CPEB2: variants seen among roughly 807,000 people sequenced by gnomAD.
CPEB2 encodes cytoplasmic polyadenylation element binding protein 2, also known as cytoplasmic polyadenylation element-binding protein 2.
Under a neutral mutation model 93.6 loss-of-function variants are expected in CPEB2, and 56 were observed. That is an observed-to-expected ratio of 0.60 (90% CI 0.48 to 0.75). The LOEUF is 0.75. CPEB2 is among the 30% of genes least tolerant of loss of function. The pLI, the probability that CPEB2 is intolerant of heterozygous loss-of-function variation, is 0.00. For missense variants in CPEB2, 1,579 were observed against 1,395.1 expected (o/e 1.13, Z -2.10); for synonymous variants, 764 against 586.3 (o/e 1.30, Z -4.38).
intron 4 of CPEB2, among the ~76,000 whole-genome samples, chr4:15,018,485 C>CT (rs1253925654): frequency 6.0e-4 from 83 of 139,342 alleles, no homozygotes; most frequent in East Asian, 1.4e-3. Flanking sequence ...GTTTGAGTTT[C>CT]TTTTTTTTTT....
At chr4:15,021,785 C>G (rs1331276847) in intron 4 of CPEB2, among the ~76,000 whole-genome samples, 2 of 151,994 alleles carry the variant, frequency 1.3e-5, no homozygotes. Context: ...AACTTATTTA[C>G]TAAGTTTTTG....
At chr4:15,015,749 C>T (rs887632577) in intron 3 of CPEB2, among the ~76,000 whole-genome samples, 1 of 151,914 alleles carries the variant, frequency 6.6e-6, no homozygotes. Context: ...GTGATACGTT[C>T]CAAGACAATC....
At chr4:15,029,176 A>G (rs1725817759) in intron 4 of CPEB2, among the ~76,000 whole-genome samples, 1 of 152,076 alleles carries the variant, frequency 6.6e-6, no homozygotes, top group African/African-American at 2.4e-5. Flanking sequence ...TCAATGTCGT[A>G]TCATACTTGG....
At chr4:15,050,433 C>CA (rs972403363) in intron 6 of CPEB2, among the ~76,000 whole-genome samples, 2 of 151,906 alleles carry the variant, frequency 1.3e-5, no homozygotes, top group African/African-American at 2.4e-5. Context: ...GTCTCCTATC[C>CA]AAAAAAATCC....
intron 6 of CPEB2, among the ~76,000 whole-genome samples, chr4:15,041,065 T>C (rs1335837789): frequency 6.6e-6 from 1 of 152,064 alleles, no homozygotes; most frequent in Admixed American, 6.6e-5. Context: ...CCTTTTTCCT[T>C]TCCCTCCCCC....
rs762538197 is a variant in CPEB2 at position 15,004,143 on chromosome 4, C to T, written c.1470C>T (p.Gly490=). 1 of 660,702 alleles carries T rather than the reference C, an allele frequency of 1.5e-6. No homozygotes were observed. Among genetic ancestry groups the T allele is most frequent in the Non-Finnish European group, 2.3e-6 (1 of 426,684 alleles). The allele number at this position is 660,702 out of a possible 1,614,324, so 40.9% of individuals were successfully genotyped here. A position where few individuals can be genotyped will look rare whatever the true frequency, so the allele number is the denominator to read the frequency against. ...GCGGCGGCGGCGGCGGCTTCGGCGGCCCCTTCTCGGCTACCGCTGTGCCCC... is the reference window on the plus strand; with the variant it reads ...GCGGCGGCGGCGGCGGCTTCGGCGGTCCCTTCTCGGCTACCGCTGTGCCCC... ...TSGGGGGGFG[G]PFSATAVPPP... Residue 490 remains glycine (G), a synonymous_variant, in exon 1 of 12, where the codon GGC becomes GGT. Transcript: ENST00000538197.
chr4:15,008,677 A>G (rs536718134), intron 3 of CPEB2, among the ~76,000 whole-genome samples: 1 of 152,346 alleles, frequency 6.6e-6, no homozygotes, highest in South Asian at 2.1e-4. Context: ...AAGGAATTAT[A>G]TACACAAGAG....
At chr4:15,065,253 A>C (rs991360096) in intron 11 of CPEB2, among the ~76,000 whole-genome samples, 22 of 152,162 alleles carry the variant, frequency 1.4e-4, no homozygotes, top group African/African-American at 5.3e-4. Context: ...TTGGGTCATT[A>C]CTTTTTACTA....
At chr4:15,004,559 G>A (rs1722520909) in intron 1 of CPEB2, among the ~76,000 whole-genome samples, 1 of 152,136 alleles carries the variant, frequency 6.6e-6, no homozygotes. Flanking sequence ...GGGCTGTGGG[G>A]GCGTGGGAGA....
intron 3 of CPEB2, among the ~76,000 whole-genome samples, chr4:15,010,127 G>C (rs1441629548): frequency 6.6e-6 from 1 of 152,160 alleles, no homozygotes; most frequent in East Asian, 1.9e-4. Flanking sequence ...GAACTGGAAG[G>C]AAAGAAGGCC....
Position 15,007,585 on chromosome 4 carries a change from A to G in CPEB2, c.1943A>G (p.Gln648Arg). 6.5e-7 allele frequency: 1 copy of G among 1,542,768 alleles called. No homozygotes were observed. The highest frequency in any genetic ancestry group is 2.3e-5 in the East Asian group (1 of 42,724). Residue 648 changes from glutamine to arginine, a missense_variant and splice_region_variant, in exon 2 of 12, where the codon CAG becomes CGG. Around this residue, in one of 2 missense-constraint regions of CPEB2, gnomAD observed 1,411 missense variants for 1,056.0 expected, o/e 1.34. Coordinates refer to ENST00000538197, the MANE Select transcript of CPEB2 (RefSeq NM_001177382.2). The stretch of plus-strand genomic sequence containing the variant: ...AATAGTAATACACTCTTACCCTTAC[A>G]GGTAAGAATGGTATGTAAATGACCT... The part of the protein sequence containing the change: ...DNNSNTLLPL[Q>R]VRSSLQLPAW...
Position 15,017,496 on chromosome 4 carries a change from T to C in CPEB2, c.2125+218T>C, listed in dbSNP as rs117751124. The C allele has an allele frequency of 1.1e-4, 39 of 359,378 alleles. No individual in the cohort carries two copies. The East Asian group carries it at 1.8e-3, about 17-fold the overall frequency. 22.3% of individuals were successfully genotyped at this position (359,378 alleles called of 1,614,324 possible). On this transcript the variant is annotated intron_variant, in intron 4 of 11. Transcript: ENST00000538197. The stretch of plus-strand genomic sequence containing the variant: ...CCTTGACTTACAATTTAAGGAAAAT[T>C]TACTATTTAGAGACATGCTTCAGTT...
chr4:15,056,517 T>C (rs949663340), intron 8 of CPEB2, among the ~76,000 whole-genome samples: 4 of 152,190 alleles, frequency 2.6e-5, no homozygotes, highest in African/African-American at 4.8e-5. Context: ...ATCGAAAAAA[T>C]AAAATTGGCA....
chr4:15,024,197 A>G (rs1027701335), intron 4 of CPEB2, among the ~76,000 whole-genome samples: 6 of 151,834 alleles, frequency 4.0e-5, no homozygotes, highest in African/African-American at 1.2e-4. Context: ...TCATTTTGGG[A>G]CTTCCATAAT....
At chr4:15,050,516 C>T (rs943164499) in intron 6 of CPEB2, among the ~76,000 whole-genome samples, 1 of 152,180 alleles carries the variant, frequency 6.6e-6, no homozygotes, top group African/African-American at 2.4e-5. Flanking sequence ...TACTTCTCTT[C>T]ATTTGATCTC....
At position 15,066,516 on chromosome 4, in the gene CPEB2, T is replaced by C. The variant is rs1008721066; in HGVS notation, c.*136T>C. The C allele has an allele frequency of 7.7e-6, 5 of 647,856 alleles. No individual in the cohort carries two copies. The Admixed American group carries it at 8.0e-5, about 10-fold the overall frequency. The allele number at this position is 647,856 out of a possible 1,614,324, so 40.1% of individuals were successfully genotyped here. A position where few individuals can be genotyped will look rare whatever the true frequency, so the allele number is the denominator to read the frequency against. On this transcript the variant is annotated 3_prime_UTR_variant, in exon 12 of 12. Transcript: ENST00000538197. ...CCAGCTATCAATACATGCATCTTTATCAGCAGCCAAAACACTACAAGCCTC... is the reference window on the plus strand; with the variant it reads ...CCAGCTATCAATACATGCATCTTTACCAGCAGCCAAAACACTACAAGCCTC...
At chr4:15,053,366 A>G (rs1186325386) in intron 7 of CPEB2, among the ~76,000 whole-genome samples, 1 of 152,232 alleles carries the variant, frequency 6.6e-6, no homozygotes, top group Non-Finnish European at 1.5e-5. Context: ...CAGGGAAGAA[A>G]GAGGCTATTA....
At chr4:15,015,376 A>G (rs1462073931) in intron 3 of CPEB2, among the ~76,000 whole-genome samples, 2 of 152,054 alleles carry the variant, frequency 1.3e-5, no homozygotes, top group Non-Finnish European at 2.9e-5. Context: ...AGTAAAAATC[A>G]GTAAAGAGTA....
At chr4:15,047,913 G>GT (rs1474516472) in intron 6 of CPEB2, among the ~76,000 whole-genome samples, 1 of 137,494 alleles carries the variant, frequency 7.3e-6, no homozygotes, top group African/African-American at 2.9e-5. Context: ...TGGGAGTTGT[G>GT]GTTTTTTTTT....
Sources: allele counts gnomAD v4.1 joint callset (sites outside exome capture counted in the v4.1 genomes callset), GRCh38; gene constraint gnomAD v4.1.1; regional missense constraint gnomAD v4.1.1; transcripts MANE v1.5; gene names NCBI Gene and HGNC (gene_info 2026-07-23, HGNC 2026-07-21).